RFX3: variants seen among roughly 807,000 people sequenced by gnomAD.
RFX3 encodes the protein transcription factor RFX3.
RFX3 carries 14 observed loss-of-function variants against 98.6 expected under a neutral mutation model. That is an observed-to-expected ratio of 0.14 (90% CI 0.09 to 0.22). RFX3 has a LOEUF of 0.22. Ranked by LOEUF, RFX3 falls within the 10% of genes least tolerant of loss-of-function variation. The pLI is 1.00. For missense variants in RFX3, 639 were observed against 926.9 expected (o/e 0.69, Z 4.03); for synonymous variants, 383 against 328.4 (o/e 1.17, Z -1.80).
chr9:3,229,089 G>A (rs1397023060), intron 15 of RFX3, among the ~76,000 whole-genome samples, 200 bp from the exon 16 acceptor site: 2 of 152,152 alleles, frequency 1.3e-5, no homozygotes, highest in Non-Finnish European at 2.9e-5. Flanking sequence ...TCACAATTTA[G>A]CTGTCTTAGC....
chr9:3,234,682 C>T (rs188781347), intron 15 of RFX3, among the ~76,000 whole-genome samples: 372 of 152,092 alleles, frequency 2.4e-3, no homozygotes, highest in South Asian at 7.3e-3. Flanking sequence ...AAGCACCCCA[C>T]CCCAAAATCA....
chr9:3,513,641 CG>C, intron 1 of RFX3, among the ~76,000 whole-genome samples: 1 of 152,274 alleles, frequency 6.6e-6, no homozygotes, highest in South Asian at 2.1e-4. Flanking sequence ...AAGTTTATCA[CG>C]GGCAGTAGGA....
chr9:3,468,900 T>C (rs1290196345), intron 1 of RFX3, among the ~76,000 whole-genome samples: 3 of 149,506 alleles, frequency 2.0e-5, no homozygotes, highest in African/African-American at 7.4e-5. Flanking sequence ...TAAAGGGCAA[T>C]GTAAAAACAA....
At chr9:3,431,233 T>G (rs181226940) in intron 1 of RFX3, among the ~76,000 whole-genome samples, 1 of 152,266 alleles carries the variant, frequency 6.6e-6, no homozygotes, top group African/African-American at 2.4e-5. Context: ...TTCTCACGTA[T>G]TTTTCATCAT....
intron 1 of RFX3, among the ~76,000 whole-genome samples, chr9:3,516,058 T>G (rs1818129842): frequency 6.6e-6 from 1 of 152,106 alleles, no homozygotes; most frequent in African/African-American, 2.4e-5. Context: ...AAAAAAAATT[T>G]TTTTTTTTGA....
At chr9:3,518,290 T>C (rs1409319835) in intron 1 of RFX3, among the ~76,000 whole-genome samples, 1 of 152,182 alleles carries the variant, frequency 6.6e-6, no homozygotes, top group Non-Finnish European at 1.5e-5. Flanking sequence ...TCCTAAACTT[T>C]TCCCAAAAGT....
chr9:3,325,898 G>C (rs187465203), intron 4 of RFX3, among the ~76,000 whole-genome samples: 1 of 152,192 alleles, frequency 6.6e-6, no homozygotes, highest in African/African-American at 2.4e-5. Flanking sequence ...GAAATATTAT[G>C]TTGATATAGT....
intron 3 of RFX3, among the ~76,000 whole-genome samples, chr9:3,330,774 C>G (rs887232327): frequency 6.6e-6 from 1 of 152,150 alleles, no homozygotes. Context: ...CTATCTCCAG[C>G]ATATAAATAA....
intron 4 of RFX3, among the ~76,000 whole-genome samples, chr9:3,309,269 G>A (rs1473781552): frequency 1.3e-5 from 2 of 152,186 alleles, no homozygotes; most frequent in South Asian, 4.1e-4. Context: ...ACACCAGGGA[G>A]AAAAAACACA....
intron 1 of RFX3, among the ~76,000 whole-genome samples, chr9:3,418,545 A>G (rs1365763583): frequency 1.3e-5 from 2 of 151,842 alleles, no homozygotes; most frequent in Non-Finnish European, 2.9e-5. Flanking sequence ...ATGCCCAGCT[A>G]ATTTTTGCGT....
At chr9:3,477,940 A>G (rs1356579257) in intron 1 of RFX3, among the ~76,000 whole-genome samples, 2 of 151,942 alleles carry the variant, frequency 1.3e-5, no homozygotes, top group African/African-American at 4.8e-5. Flanking sequence ...CCTCTAGTGA[A>G]TTTTTCATTT....
At chr9:3,308,093 C>A (rs1303657073) in intron 4 of RFX3, among the ~76,000 whole-genome samples, 1 of 152,096 alleles carries the variant, frequency 6.6e-6, no homozygotes, top group African/African-American at 2.4e-5. Context: ...AATCAATTCT[C>A]TGAACTAAGA....
intron 1 of RFX3, among the ~76,000 whole-genome samples, chr9:3,467,884 C>A (rs1006875597): frequency 1.3e-5 from 2 of 152,162 alleles, no homozygotes; most frequent in African/African-American, 4.8e-5. Flanking sequence ...TGAAGCCCAG[C>A]ACTCTAGGCT....
rs542560232 is a variant in RFX3, at chr9:3,367,562, G to T, written c.118-20798C>A. ...TTGAGCTACTACATCCTTGTAATTT[G>T]ATACACAGCAAGAAGAAACTAATCC... On this transcript the variant is annotated intron_variant, in intron 2 of 16. Transcript: ENST00000617270. Among the ~76,000 whole-genome samples the T allele has an allele frequency of 3.3e-5, 5 of 152,252 alleles. No individual in the cohort carries two copies. In the East Asian group the frequency reaches 9.7e-4, roughly 29 times the overall value.
intron 1 of RFX3, among the ~76,000 whole-genome samples, chr9:3,492,746 A>C (rs1045527111): frequency 3.3e-5 from 5 of 152,164 alleles, no homozygotes; most frequent in African/African-American, 1.2e-4. Context: ...CTTTGCCACT[A>C]TGCTCTAGAA....
chr9:3,285,349 T>C (rs545816448), intron 7 of RFX3, among the ~76,000 whole-genome samples: 13 of 151,982 alleles, frequency 8.6e-5, no homozygotes, highest in African/African-American at 3.1e-4. Flanking sequence ...AGTAGAATCA[T>C]TTGAATTTTG....
chr9:3,460,648 T>C (rs1326574294), intron 1 of RFX3, among the ~76,000 whole-genome samples: 1 of 152,016 alleles, frequency 6.6e-6, no homozygotes, highest in Non-Finnish European at 1.5e-5. Context: ...CTACTTTAAA[T>C]GAAGCAGGAT....
chr9:3,505,372 A>ATATAAAATAAAATACTT (rs1564187353), intron 1 of RFX3, among the ~76,000 whole-genome samples: 1 of 127,198 alleles, frequency 7.9e-6, no homozygotes, highest in African/African-American at 3.0e-5. Flanking sequence ...TAAATATAAA[A>ATATAAAATAAAATACTT]TATTTTATAT....
intron 3 of RFX3, chr9:3,344,895 A>T: frequency 1.4e-6 from 1 of 702,584 alleles, no homozygotes; most frequent in Non-Finnish European, 2.6e-6. Flanking sequence ...ACAACAAATA[A>T]GTAGAGTGAA....
Sources: allele counts gnomAD v4.1 joint callset (sites outside exome capture counted in the v4.1 genomes callset), GRCh38; gene constraint gnomAD v4.1.1; transcripts MANE v1.5; gene names NCBI Gene and HGNC (gene_info 2026-07-23, HGNC 2026-07-21).